LRP1B: variants seen among roughly 807,000 people sequenced by gnomAD.
LRP1B encodes low-density lipoprotein receptor-related protein 1B.
In LRP1B, 217 loss-of-function variants were observed where a neutral mutation model predicts 556.6. The observed-to-expected ratio is 0.39, with a 90% CI of 0.35 to 0.44. LRP1B has a LOEUF of 0.44. Among genes scored for constraint, LRP1B ranks in the 20% least tolerant of loss-of-function variants. The pLI is 1.00. For missense variants in LRP1B, 5,053 were observed against 5,620.8 expected (o/e 0.90, Z 3.23); for synonymous variants, 2,047 against 1,865.8 (o/e 1.10, Z -2.50).
chr2:140,621,376 C>A (rs1284569719), intron 41 of LRP1B, among the ~76,000 whole-genome samples: 4 of 115,924 alleles, frequency 3.5e-5, no homozygotes, highest in Admixed American at 1.1e-4. Context: ...CAGAGCGAGA[C>A]TCTGTCTCAA....
At chr2:141,327,707 A>G (rs1687475452) in intron 3 of LRP1B, among the ~76,000 whole-genome samples, 1 of 152,194 alleles carries the variant, frequency 6.6e-6, no homozygotes, top group Non-Finnish European at 1.5e-5. Context: ...ATGAATGTTG[A>G]AAGTATAGTC....
At chr2:140,970,986 C>T (rs941414830) in intron 18 of LRP1B, among the ~76,000 whole-genome samples, 3 of 152,016 alleles carry the variant, frequency 2.0e-5, no homozygotes, top group African/African-American at 7.3e-5. Context: ...AGGGATCTGC[C>T]AGCTTTGGTC....
intron 66 of LRP1B, among the ~76,000 whole-genome samples, chr2:140,431,023 C>T (rs1685912779): frequency 1.3e-5 from 2 of 152,134 alleles, no homozygotes; most frequent in Admixed American, 1.3e-4. Context: ...TCTGAGAAGG[C>T]CATCACGGTC....
chr2:142,056,504 A>AG (rs1279874599), intron 1 of LRP1B, among the ~76,000 whole-genome samples: 5 of 152,070 alleles, frequency 3.3e-5, no homozygotes, highest in Non-Finnish European at 7.4e-5. Flanking sequence ...TCTATTAGGA[A>AG]GGGGTGGGCC....
At chr2:140,346,698 C>T (rs923844378) in intron 77 of LRP1B, among the ~76,000 whole-genome samples, 3 of 151,842 alleles carry the variant, frequency 2.0e-5, no homozygotes, top group Admixed American at 6.6e-5. Context: ...CACACCTATG[C>T]ACTTTGTGTG....
intron 43 of LRP1B, among the ~76,000 whole-genome samples, chr2:140,582,325 C>T (rs1681801756): frequency 6.6e-6 from 1 of 151,930 alleles, no homozygotes; most frequent in Admixed American, 6.6e-5. Flanking sequence ...CGTAAAAGCC[C>T]CCTAAGGGAT....
chr2:141,197,405 A>G (rs1056728951), intron 6 of LRP1B, among the ~76,000 whole-genome samples: 2 of 152,088 alleles, frequency 1.3e-5, no homozygotes, highest in Non-Finnish European at 2.9e-5. Flanking sequence ...CTTATTTATT[A>G]TTTAATTATC....
intron 21 of LRP1B, among the ~76,000 whole-genome samples, chr2:140,919,955 A>G (rs1422367664): frequency 6.6e-6 from 1 of 152,092 alleles, no homozygotes; most frequent in Non-Finnish European, 1.5e-5. Flanking sequence ...TTAAAAATAA[A>G]ATGACTCATT....
chr2:140,551,491 T>G (rs1680546512), intron 43 of LRP1B, among the ~76,000 whole-genome samples: 1 of 152,152 alleles, frequency 6.6e-6, no homozygotes, highest in African/African-American at 2.4e-5. Flanking sequence ...ACAGGCCTGA[T>G]GAGAAAGGCA....
Position 140,373,057 on chromosome 2 carries a change from A to G in LRP1B, c.10719T>C (p.Asp3573=), listed in dbSNP as rs1310214497. Residue 3573 remains aspartate (D), a synonymous_variant, in exon 69 of 91, where the codon GAT becomes GAC. Coordinates refer to ENST00000389484, the MANE Select transcript of LRP1B (RefSeq NM_018557.3). The part of the protein sequence containing the change: ...GQCIPAKWKC[D]GHEDCKYGED... Reference sequence around the variant, plus strand: ...CCCCATATTTGCAGTCTTCATGGCCATCACATTTCCATTTTGCTGGTATAC... The same window carrying G: ...CCCCATATTTGCAGTCTTCATGGCCGTCACATTTCCATTTTGCTGGTATAC... The G allele has an allele frequency of 6.2e-7, 1 of 1,613,560 alleles. No homozygotes were observed. Among genetic ancestry groups the G allele is most frequent in the African/African-American group, 1.3e-5 (1 of 75,002 alleles).
At chr2:140,467,722 A>T (rs1245125455) in intron 60 of LRP1B, among the ~76,000 whole-genome samples, 1 of 152,044 alleles carries the variant, frequency 6.6e-6, no homozygotes, top group Non-Finnish European at 1.5e-5. Context: ...AATTGATTGA[A>T]TTGTGTTTGC....
intron 6 of LRP1B, among the ~76,000 whole-genome samples, chr2:141,216,834 C>T (rs934906396): frequency 6.6e-6 from 1 of 152,186 alleles, no homozygotes; most frequent in Non-Finnish European, 1.5e-5. Flanking sequence ...GGAATGTTTA[C>T]TCATCCTGAT....
At chr2:141,645,302 A>C (rs1689512734) in intron 2 of LRP1B, among the ~76,000 whole-genome samples, 1 of 152,030 alleles carries the variant, frequency 6.6e-6, no homozygotes, top group African/African-American at 2.4e-5. Context: ...AGTCCCCCAA[A>C]CTTTTTGATT....
At chr2:140,720,322 G>C (rs192822743) in intron 35 of LRP1B, among the ~76,000 whole-genome samples, 1 of 151,916 alleles carries the variant, frequency 6.6e-6, no homozygotes, top group Non-Finnish European at 1.5e-5. Context: ...ATAATTACAG[G>C]ATTGTAAAAT....
At chr2:140,587,255 C>A (rs1179241554) in intron 43 of LRP1B, among the ~76,000 whole-genome samples, 1 of 152,070 alleles carries the variant, frequency 6.6e-6, no homozygotes, top group Admixed American at 6.5e-5. Flanking sequence ...GTCAAAGAGT[C>A]CTACAAGGAG....
intron 66 of LRP1B, among the ~76,000 whole-genome samples, chr2:140,440,389 A>C (rs1686372944): frequency 6.6e-6 from 1 of 152,294 alleles, no homozygotes; most frequent in Middle Eastern, 3.4e-3. Flanking sequence ...CTTCTAGAGA[A>C]GATCTGTTCT....
At position 140,358,890 on chromosome 2, in the gene LRP1B, G is replaced by A. The variant is rs1444140669; in HGVS notation, c.11188C>T (p.Leu3730=). The A allele has an allele frequency of 6.2e-7, 1 of 1,609,020 alleles. No individual in the cohort carries two copies. The highest frequency in any genetic ancestry group is 1.3e-5 in the African/African-American group (1 of 74,758). The change falls in exon 73 of 91, where the codon CTA becomes TTA. Residue 3730 remains leucine (L), a synonymous_variant. Coordinates refer to ENST00000389484, the MANE Select transcript of LRP1B (RefSeq NM_018557.3). ...PHRCRNNRIC[L]QSEQMCNGID... is the part of the protein sequence containing the mutation. ...CCATTGCACATTTGCTCCGACTGTAGGCATATTCTGTTATTTCTGCATCTG... is the reference window on the plus strand; with the variant it reads ...CCATTGCACATTTGCTCCGACTGTAAGCATATTCTGTTATTTCTGCATCTG...
At chr2:141,717,620 G>C (rs954370575) in intron 2 of LRP1B, among the ~76,000 whole-genome samples, 1 of 152,130 alleles carries the variant, frequency 6.6e-6, no homozygotes, top group Admixed American at 6.5e-5. Flanking sequence ...CTTGGTTTAG[G>C]AATAAAGACA....
chr2:141,120,270 T>A (rs1178228653), intron 7 of LRP1B, among the ~76,000 whole-genome samples: 2 of 152,006 alleles, frequency 1.3e-5, no homozygotes, highest in Non-Finnish European at 2.9e-5. Flanking sequence ...TTCTAGTTTA[T>A]TTTTTGTTGT....
Sources: allele counts gnomAD v4.1 joint callset (sites outside exome capture counted in the v4.1 genomes callset), GRCh38; gene constraint gnomAD v4.1.1; transcripts MANE v1.5; gene names NCBI Gene and HGNC (gene_info 2026-07-23, HGNC 2026-07-21).